The following CEL variants were observed in gnomAD, a reference collection of about 807,000 sequenced individuals.
The protein encoded by CEL is bile salt-activated lipase.
A neutral mutation model predicts 57.1 loss-of-function variants in CEL; 39 were observed. The ratio of observed to expected loss-of-function variants is 0.68; its 90% CI spans 0.53 to 0.89. The LOEUF (loss-of-function observed/expected upper bound fraction) is 0.89, where lower values mean the gene tolerates loss of function less well. Among genes scored for constraint, CEL ranks in the 40% least tolerant of loss-of-function variants. The probability of loss-of-function intolerance (pLI) is 0.00; values close to 1 mark genes in which losing one functional copy is unlikely to be tolerated. For missense variants in CEL, 698 were observed against 915.0 expected (o/e 0.76, Z 3.06); for synonymous variants, 314 against 396.6 (o/e 0.79, Z 2.48).
In CEL at chr9:133,071,161, C is replaced by T. The variant is rs78256304; in HGVS notation, c.1659C>T (p.Thr553=). Residue 553 remains threonine (T), a synonymous_variant, in exon 11 of 11, where the codon ACC becomes ACT. Coordinates refer to ENST00000372080, the MANE Select transcript of CEL (RefSeq NM_001807.6). ...CCTATCTGGCGCTGCCCACAGTGAC[C>T]GACCAGGAGGCCACCCCTGTGCCCC... is the stretch of plus-strand genomic sequence containing the variant. The part of the protein sequence containing the change: ...TLTYLALPTV[T]DQEATPVPPT... The T allele has an allele frequency of 4.4e-6, 7 of 1,607,572 alleles. No individual in the cohort carries two copies. Among genetic ancestry groups the T allele is most frequent in the Admixed American group, 1.7e-5 (1 of 59,894 alleles).
chr9:133,063,411 G>A (rs976430559), intron 1 of CEL, among the ~76,000 whole-genome samples: 1 of 152,134 alleles, frequency 6.6e-6, no homozygotes, highest in Admixed American at 6.5e-5. Context: ...TCCAACCGCC[G>A]CACTCTCCCA....
chr9:133,068,192 CGTCCAGGG>C (rs1830211106), intron 7 of CEL, among the ~76,000 whole-genome samples: 2 of 152,198 alleles, frequency 1.3e-5, no homozygotes. Flanking sequence ...TCTAGGGGCC[CGTCCAGGG>C]GTCTGGAGTA....
chr9:133,067,345 G>A lies in CEL; in HGVS notation c.895+140G>A, dbSNP rs116059127. ...CACCAACTAGCTGGTGTCTCCCCTC[G>A]AAGGCCCCAGCTGTAAGGGAGAGGG... On this transcript the variant is annotated intron_variant, in intron 7 of 10. Transcript: ENST00000372080. 866 of 779,156 alleles carry A rather than the reference G, an allele frequency of 1.1e-3. 5 individuals carry two copies. In the African/African-American group the frequency reaches 0.012, roughly 11 times the overall value. 48.3% of individuals were successfully genotyped at this position (779,156 alleles called of 1,614,324 possible). A position where few individuals can be genotyped will look rare whatever the true frequency, so the allele number is the denominator to read the frequency against.
At chr9:133,067,955 T>C (rs1830207921) in intron 7 of CEL, among the ~76,000 whole-genome samples, 2 of 152,212 alleles carry the variant, frequency 1.3e-5, no homozygotes, top group Non-Finnish European at 2.9e-5. Context: ...CAAACACCTC[T>C]GCATGTCAGC....
At chr9:133,067,066 C>T (rs781267031) in intron 6 of CEL, 22 bp from the exon 7 acceptor site, 1 of 1,612,440 alleles carries the variant, frequency 6.2e-7, no homozygotes, top group African/African-American at 1.3e-5. Flanking sequence ...CACCTACCTG[C>T]TGGCCTTGGT....
rs1830142779 is a variant in CEL, at chr9:133,064,497, C to T, written c.160C>T (p.Pro54Ser). 6.2e-7 allele frequency: 1 copy of T among 1,614,058 alleles called. No individual in the cohort carries two copies. The highest frequency in any genetic ancestry group is 1.3e-5 in the African/African-American group (1 of 74,926). Residue 54 changes from proline to serine, a missense_variant, in exon 2 of 11, where the codon CCC (proline) becomes TCC (serine). Physicochemically the swap from Pro to Ser is moderately conservative, Grantham distance 74 (BLOSUM62 -1). Around this residue, in one of 6 missense-constraint regions of CEL, gnomAD observed 327 missense variants for 374.1 expected, o/e 0.87. Coordinates refer to ENST00000372080, the MANE Select transcript of CEL (RefSeq NM_001807.6). Reference protein sequence around the residue: ...GDSVDIFKGIPFAAPTKALEN... With the variant: ...GDSVDIFKGISFAAPTKALEN... ...CTCTGTGGACATCTTCAAGGGCATCCCCTTCGCAGCTCCCACCAAGGCCCT... is the reference window on the plus strand; with the variant it reads ...CTCTGTGGACATCTTCAAGGGCATCTCCTTCGCAGCTCCCACCAAGGCCCT...
intron 4 of CEL, among the ~76,000 whole-genome samples, chr9:133,065,575 G>A (rs1222909149): frequency 6.6e-6 from 1 of 152,068 alleles, no homozygotes; most frequent in Non-Finnish European, 1.5e-5. Flanking sequence ...GACTGGGCGC[G>A]GCGGCTCACC....
At chr9:133,065,344 A>G (rs1410474501) in intron 4 of CEL, 107 bp downstream of exon 4, 1 of 1,270,972 alleles carries the variant, frequency 7.9e-7, no homozygotes, top group East Asian at 2.3e-5. Flanking sequence ...CGGTTCACAG[A>G]AAGACCCGGA....
intron 3 of CEL, 33 bp from the exon 4 acceptor site, chr9:133,065,007 C>T (rs372638049): frequency 4.2e-5 from 65 of 1,559,704 alleles, no homozygotes; most frequent in Non-Finnish European, 5.2e-5. Context: ...CCAGGCGGGG[C>T]GTCTGGGGTC....
chr9:133,064,439 A>C lies in CEL; in HGVS notation c.102A>C (p.Glu34Asp), dbSNP rs1048090194. The change falls in exon 2 of 11, where the codon GAA becomes GAC. Residue 34 changes from glutamate (E) to aspartate (D), a missense_variant. Glu to Asp is a conservative substitution (Grantham distance 45, BLOSUM62 2). Transcript: ENST00000372080. ...GAVYTEGGFV[E>D]GVNKKLGLLG... ...TGTACACAGAAGGTGGGTTCGTGGA[A>C]GGCGTCAATAAGAAGCTCGGCCTCC... is the stretch of plus-strand genomic sequence containing the variant. 1 of 1,614,114 alleles carries C rather than the reference A, an allele frequency of 6.2e-7. No individual in the cohort carries two copies. The highest frequency in any genetic ancestry group is 1.3e-5 in the African/African-American group (1 of 75,022).
At chr9:133,064,373 C>T (rs1830139580) in intron 1 of CEL, 31 bp from the exon 2 acceptor site, 2 of 1,612,378 alleles carry the variant, frequency 1.2e-6, no homozygotes, top group South Asian at 1.1e-5. Flanking sequence ...GGGCTTGAGC[C>T]CCCCTGACCC....
At chr9:133,070,702 A>C (rs758674771) in intron 10 of CEL, 44 bp downstream of exon 10, 6 of 1,613,162 alleles carry the variant, frequency 3.7e-6, no homozygotes, top group Non-Finnish European at 5.1e-6. Flanking sequence ...ACAGCCGAGA[A>C]GGGCCTCCCA....
rs755484675 is a variant in CEL at position 133,066,600 on chromosome 9, G to A, written c.609G>A (p.Gly203=). The part of the protein sequence containing the change: ...WVKRNIAAFG[G]DPNNITLFGE... ...AGAGGAATATCGCGGCCTTCGGGGG[G>A]GACCCCAACAACATCACGCTCTTCG... The change falls in exon 5 of 11, where the codon GGG becomes GGA. Residue 203 remains glycine (G), a synonymous_variant. Coordinates refer to ENST00000372080, the MANE Select transcript of CEL (RefSeq NM_001807.6). The surrounding 1 kb of genome is among the most constrained non-coding windows in gnomAD (Gnocchi z 4.3). 43 of 1,613,844 alleles carry A rather than the reference G, an allele frequency of 2.7e-5. No homozygotes were observed. Among genetic ancestry groups the A allele is most frequent in the Non-Finnish European group, 3.4e-5 (40 of 1,180,028 alleles).
Position 133,065,035 on chromosome 9 carries a change from C to G in CEL, c.341-5C>G, listed in dbSNP as rs1183015245. 1 of 1,612,854 alleles carries G rather than the reference C, an allele frequency of 6.2e-7. No homozygotes were observed. The highest frequency in any genetic ancestry group is 8.5e-7 in the Non-Finnish European group (1 of 1,179,942). On this transcript the variant is annotated splice_region_variant and splice_polypyrimidine_tract_variant and intron_variant, in intron 3 of 10. Transcript: ENST00000372080. ...CTGGGGTCACCAGCCGCTCCCCCAT[C>G]TCAGTCTCCCGGGACCTGCCCGTTA...
Position 133,064,696 on chromosome 9 carries a change from G to A in CEL, c.274G>A (p.Asp92Asn). 6.2e-6 allele frequency: 10 copies of A among 1,614,150 alleles called. No individual in the cohort carries two copies. Among genetic ancestry groups the A allele is most frequent in the Non-Finnish European group, 7.6e-6 (9 of 1,180,030 alleles). The change falls in exon 3 of 11, where the codon GAC becomes AAC. Residue 92 changes from aspartate to asparagine, a missense_variant. By Grantham distance (23) the Asp-to-Asn change is conservative. Transcript: ENST00000372080. ...ATGCCTGCAGGCCACCATCACCCAG[G>A]ACAGCACCTACGGGGATGAAGACTG... ...KRCLQATITQ[D>N]STYGDEDCLY... is the part of the protein sequence containing the mutation.
chr9:133,070,621 G>T lies in CEL; in HGVS notation c.1447G>T (p.Ala483Ser). The T allele has an allele frequency of 3.1e-6, 5 of 1,614,214 alleles. No homozygotes were observed. Among genetic ancestry groups the T allele is most frequent in the Non-Finnish European group, 3.4e-6 (4 of 1,180,036 alleles). The change falls in exon 10 of 11, where the codon GCC (alanine) becomes TCC (serine). Residue 483 changes from alanine to serine, a missense_variant. By Grantham distance (99) the Ala-to-Ser change is moderately conservative. This residue lies in a region of CEL where 111 missense variants were observed against 147.3 expected (regional missense o/e 0.75). Transcript: ENST00000372080. ...GCCCCAAGACAGGACAGTCTCTAAG[G>T]CCATGATCGCCTACTGGACCAACTT... ...YRPQDRTVSK[A>S]MIAYWTNFAK...
chr9:133,068,620 G>A (rs1405500320), intron 7 of CEL, 52 bp from the exon 8 acceptor site: 3 of 1,613,198 alleles, frequency 1.9e-6, no homozygotes, highest in East Asian at 4.5e-5. Flanking sequence ...GGGCGGCTCA[G>A]GGGAAACTGG....
Position 133,064,704 on chromosome 9 carries a change from C to A in CEL, c.282C>A (p.Thr94=). 6.2e-7 allele frequency: 1 copy of A among 1,614,142 alleles called. No homozygotes were observed. The highest frequency in any genetic ancestry group is 8.5e-7 in the Non-Finnish European group (1 of 1,180,024). ...CLQATITQDS[T]YGDEDCLYLN... ...AGGCCACCATCACCCAGGACAGCACCTACGGGGATGAAGACTGCCTGTACC... is the reference window on the plus strand; with the variant it reads ...AGGCCACCATCACCCAGGACAGCACATACGGGGATGAAGACTGCCTGTACC... Residue 94 remains threonine, a synonymous_variant, in exon 3 of 11, where the codon ACC becomes ACA. Coordinates refer to ENST00000372080, the MANE Select transcript of CEL (RefSeq NM_001807.6).
At chr9:133,070,390 C>G in intron 9 of CEL, 71 bp from the exon 10 acceptor site, 1 of 1,357,334 alleles carries the variant, frequency 7.4e-7, no homozygotes, top group South Asian at 1.2e-5. Flanking sequence ...GGACCTCCCT[C>G]CAAGTCCGGT....
Sources: gnomAD v4.1 joint callset for allele counts (sites outside exome capture counted in the v4.1 genomes callset) on GRCh38, gnomAD v4.1.1 for gene constraint, gnomAD v4.1.1 regional missense constraint, Gnocchi (gnomAD v3.1) non-coding constraint, MANE v1.5 for transcripts, NCBI Gene and HGNC (gene_info 2026-07-23, HGNC 2026-07-21) for gene names.